The following RANBP2 variants were observed in gnomAD, a reference collection of about 807,000 sequenced individuals.
The protein encoded by RANBP2 is RAN binding protein 2.
RANBP2 carries 57 observed loss-of-function variants against 303.6 expected under a neutral mutation model. The ratio of observed to expected loss-of-function variants is 0.19; its 90% CI spans 0.15 to 0.23. RANBP2 has a LOEUF of 0.23. Ranked by LOEUF, RANBP2 falls within the 10% of genes least tolerant of loss-of-function variation. RANBP2 has a pLI of 1.00. For missense variants in RANBP2, 3,138 were observed against 3,780.8 expected (o/e 0.83, Z 4.46); for synonymous variants, 1,167 against 1,301.5 (o/e 0.90, Z 2.23).
the RANBP2 span, among the ~76,000 whole-genome samples, chr2:109,192,516 C>A: frequency 6.6e-6 from 1 of 152,136 alleles, no homozygotes; most frequent in Non-Finnish European, 1.5e-5. Flanking sequence ...GTAAGCCTTT[C>A]TTATAGAGAT....
At chr2:109,546,016 C>T in the RANBP2 span, 16 of 1,535,730 alleles carry the variant, frequency 1.0e-5, no homozygotes, top group Non-Finnish European at 1.1e-5. Context: ...CAAGTGTGGG[C>T]AGGGCTGCCA....
chr2:109,715,019 G>A, the RANBP2 span, among the ~76,000 whole-genome samples: 12 of 152,160 alleles, frequency 7.9e-5, no homozygotes, highest in Non-Finnish European at 1.6e-4. Context: ...GCCCAGGCTG[G>A]AGTGCAATAG....
At chr2:109,555,164 T>C in the RANBP2 span, among the ~76,000 whole-genome samples, 1 of 152,328 alleles carries the variant, frequency 6.6e-6, no homozygotes, top group East Asian at 1.9e-4. Context: ...CATTATCTTT[T>C]CTCACCACAT....
the RANBP2 span, among the ~76,000 whole-genome samples, chr2:109,435,347 G>T: frequency 1.3e-5 from 2 of 152,316 alleles, no homozygotes; most frequent in Non-Finnish European, 2.9e-5. Flanking sequence ...GATCCCTACT[G>T]GGTTCAGGAC....
the RANBP2 span, among the ~76,000 whole-genome samples, chr2:109,686,515 A>C: frequency 1.1e-4 from 17 of 152,206 alleles, no homozygotes; most frequent in African/African-American, 4.1e-4. Context: ...GGGTTTCACC[A>C]TGTTGGTCAG....
chr2:109,197,606 T>A, the RANBP2 span, among the ~76,000 whole-genome samples: 1 of 152,204 alleles, frequency 6.6e-6, no homozygotes, highest in Non-Finnish European at 1.5e-5. Context: ...TGGGGTTTAA[T>A]GCTCTGCAGT....
chr2:108,920,985 G>A, the RANBP2 span, among the ~76,000 whole-genome samples: 3 of 152,116 alleles, frequency 2.0e-5, no homozygotes, highest in East Asian at 5.8e-4. Context: ...CTACCGTAGT[G>A]GTTCCCAAAC....
the RANBP2 span, chr2:109,398,522 G>A: frequency 2.9e-6 from 4 of 1,362,748 alleles, no homozygotes; most frequent in African/African-American, 2.9e-5. Context: ...GGCCTGGAGA[G>A]TGCAGAGGGC....
At chr2:109,524,092 T>C in the RANBP2 span, among the ~76,000 whole-genome samples, 1 of 152,176 alleles carries the variant, frequency 6.6e-6, no homozygotes, top group East Asian at 1.9e-4. Context: ...CCAGCCTCAC[T>C]GGGACTCCGT....
the RANBP2 span, among the ~76,000 whole-genome samples, chr2:109,722,610 C>A: frequency 2.0e-5 from 3 of 152,326 alleles, no homozygotes; most frequent in African/African-American, 7.2e-5. Context: ...CATCCATTAG[C>A]CATTCTTCTG....
At chr2:109,066,116 T>TC in the RANBP2 span, among the ~76,000 whole-genome samples, 7 of 151,866 alleles carry the variant, frequency 4.6e-5, no homozygotes, top group Non-Finnish European at 1.0e-4. Flanking sequence ...TCTGTATTTT[T>TC]TTTTTTTTCT....
the RANBP2 span, among the ~76,000 whole-genome samples, chr2:109,698,917 C>A: frequency 6.6e-6 from 1 of 152,098 alleles, no homozygotes; most frequent in African/African-American, 2.4e-5. Context: ...AGTGAGACTC[C>A]GTCTCAAAAA....
chr2:108,935,034 T>G, the RANBP2 span, among the ~76,000 whole-genome samples: 1 of 152,238 alleles, frequency 6.6e-6, no homozygotes, highest in Non-Finnish European at 1.5e-5. Context: ...AAGCGTCACC[T>G]GTTGGTTACC....
At chr2:109,343,543 C>T in the RANBP2 span, among the ~76,000 whole-genome samples, 1 of 152,172 alleles carries the variant, frequency 6.6e-6, no homozygotes, top group African/African-American at 2.4e-5. Flanking sequence ...CCTCCTGGCT[C>T]ACCAGCCAGC....
chr2:109,184,323 A>G, the RANBP2 span, among the ~76,000 whole-genome samples: 2 of 152,242 alleles, frequency 1.3e-5, no homozygotes, highest in Non-Finnish European at 2.9e-5. Context: ...ATCCTTGTTC[A>G]TAAAAATAAG....
At chr2:108,897,149 C>A in the RANBP2 span, 1 of 1,613,946 alleles carries the variant, frequency 6.2e-7, no homozygotes, top group Non-Finnish European at 8.5e-7. Flanking sequence ...TTCACAACAG[C>A]CTTCTCAGAG....
At chr2:109,201,042 G>T in the RANBP2 span, among the ~76,000 whole-genome samples, 1 of 152,180 alleles carries the variant, frequency 6.6e-6, no homozygotes, top group Non-Finnish European at 1.5e-5. Context: ...GTGGGACCCT[G>T]TGAGCTGGAG....
the RANBP2 span, among the ~76,000 whole-genome samples, chr2:108,956,112 T>C: frequency 2.0e-4 from 31 of 152,348 alleles, no homozygotes; most frequent in East Asian, 5.8e-3. Flanking sequence ...CCCTATTGTC[T>C]TAATTATTCT....
the RANBP2 span, among the ~76,000 whole-genome samples, chr2:109,605,969 G>A: frequency 6.6e-6 from 1 of 152,190 alleles, no homozygotes; most frequent in African/African-American, 2.4e-5. Context: ...GCATCATTAA[G>A]AACTGCCAAA....
Sources: allele counts gnomAD v4.1 joint callset (sites outside exome capture counted in the v4.1 genomes callset), GRCh38; gene constraint gnomAD v4.1.1; transcripts MANE v1.5; gene names NCBI Gene and HGNC (gene_info 2026-07-23, HGNC 2026-07-21).